The following CENPB variants were observed in gnomAD, a reference collection of about 807,000 sequenced individuals.
CENPB encodes centromere protein B, also known as major centromere autoantigen B.
In CENPB, 19 loss-of-function variants were observed where a neutral mutation model predicts 41.9. The ratio of observed to expected loss-of-function variants is 0.45; its 90% CI spans 0.32 to 0.67. The LOEUF (loss-of-function observed/expected upper bound fraction) is 0.67, where lower values mean the gene tolerates loss of function less well. Ranked by LOEUF, CENPB falls within the 30% of genes least tolerant of loss-of-function variation. The pLI, the probability that CENPB is intolerant of heterozygous loss-of-function variation, is 0.04. For synonymous variants in CENPB, 399 were observed against 354.4 expected (o/e 1.13, Z -1.41); for missense variants, 614 against 816.2 (o/e 0.75, Z 3.02).
Position 3,785,898 on chromosome 20 carries a change from C to T in CENPB, c.586G>A (p.Glu196Lys). 1 of 1,607,456 alleles carries T rather than the reference C, an allele frequency of 6.2e-7. No homozygotes were observed. The highest frequency in any genetic ancestry group is 8.5e-7 in the Non-Finnish European group (1 of 1,178,594). ...YASQDVFSATETSLWYDFLPD... is the reference protein window; with the variant it reads ...YASQDVFSATKTSLWYDFLPD... ...AGGAAGTCGTACCATAGACTGGTCT[C>T]GGTGGCGCTGAACACGTCCTGCGAG... The change falls in exon 1 of 1, where the codon GAG becomes AAG. Residue 196 changes from glutamate to lysine, a missense_variant. Transcript: ENST00000379751.
rs145734304 is a variant in CENPB, at chr20:3,786,310, C to T, written c.174G>A (p.Lys58=). ...TGCGGCAGGTGGAGGCCACCCCGTACTTGCGCTCCGACGCCAGGATGGCGC... is the reference window on the plus strand; with the variant it reads ...TGCGGCAGGTGGAGGCCACCCCGTATTTGCGCTCCGACGCCAGGATGGCGC... ...NKRAILASER[K]YGVASTCRKT... Residue 58 remains lysine (K), a synonymous_variant, in exon 1 of 1, where the codon AAG becomes AAA. Transcript: ENST00000379751. The T allele has an allele frequency of 5.0e-6, 8 of 1,607,454 alleles. No individual in the cohort carries two copies. The highest frequency in any genetic ancestry group is 6.8e-6 in the Non-Finnish European group (8 of 1,179,722).
In CENPB at chr20:3,786,499, GC is replaced by G. The variant is rs1370752377; in HGVS notation, c.-17del. 3.2e-5 allele frequency: 36 copies of G among 1,114,418 alleles called. No homozygotes were observed. The highest frequency in any genetic ancestry group is 4.0e-5 in the Non-Finnish European group (35 of 877,366). The allele number at this position is 1,114,418 out of a possible 1,614,324, so 69.0% of individuals were successfully genotyped here. ...TGGGGCCCATCCCGGCGCGCCCCCC[GC>G]CCCGGGGCCCGGCGCCGCCGCCGCC... is the stretch of plus-strand genomic sequence containing the variant. On this transcript the variant is annotated 5_prime_UTR_variant, in exon 1 of 1. Coordinates refer to ENST00000379751, the MANE Select transcript of CENPB (RefSeq NM_001810.6).
rs151084015 is a variant in CENPB at position 3,786,130 on chromosome 20, G to A, written c.354C>T (p.Ala118=). The A allele has an allele frequency of 9.6e-5, 153 of 1,597,220 alleles. No individual in the cohort carries two copies. In the African/African-American group the frequency reaches 1.7e-3, roughly 18 times the overall value. Residue 118 remains alanine (A), a synonymous_variant, in exon 1 of 1, where the codon GCC becomes GCT. Coordinates refer to ENST00000379751, the MANE Select transcript of CENPB (RefSeq NM_001810.6). ...GGAAGCGGTCCAGCCAGCCGTTGGA[G>A]GCGGTGAAGTCGTCCATGCCCAGCT... ...AEELGMDDFT[A]SNGWLDRFRR... is the part of the protein sequence containing the mutation.
In CENPB at chr20:3,785,230, T is replaced by TTCCTCCTCCTCTCCTTCCTCC; in HGVS notation, c.1253_1254insGGAGGAAGGAGAGGAGGAGGA (p.Glu419_Gly420insGluGlyGluGluGluGluGlu). Reference sequence around the variant, plus strand: ...CCTCCTCTTCCTCTCCTTCACCCTCTTCCTCCTCCTCTTCTTCCTCCTCCT... The same window carrying TTCCTCCTCCTCTCCTTCCTCC: ...CCTCCTCTTCCTCTCCTTCACCCTCTTCCTCCTCCTCTCCTTCCTCCTCCTCCTCCTCTTCTTCCTCCTCCT... On this transcript the variant is annotated inframe_insertion, in exon 1 of 1. Coordinates refer to ENST00000379751, the MANE Select transcript of CENPB (RefSeq NM_001810.6). The TTCCTCCTCCTCTCCTTCCTCC allele has an allele frequency of 7.9e-7, 1 of 1,261,094 alleles. No homozygotes were observed. The highest frequency in any genetic ancestry group is 1.0e-6 in the Non-Finnish European group (1 of 956,066). The allele number at this position is 1,261,094 out of a possible 1,614,324, so 78.1% of individuals were successfully genotyped here.
chr20:3,786,550 C>T lies in CENPB; in HGVS notation c.-67G>A. 1 of 423,096 alleles carries T rather than the reference C, an allele frequency of 2.4e-6. No individual in the cohort carries two copies. Among genetic ancestry groups the T allele is most frequent in the Non-Finnish European group, 3.1e-6 (1 of 320,522 alleles). The allele number at this position is 423,096 out of a possible 1,614,324, so 26.2% of individuals were successfully genotyped here. On this transcript the variant is annotated 5_prime_UTR_variant, in exon 1 of 1. Transcript: ENST00000379751. ...CGCCCCGGGGCGGGGGGCCCGGGCC[C>T]GTGGCGGGGGGCACCTGGCGGCCTC...
At position 3,785,257 on chromosome 20, in the gene CENPB, C is replaced by T. The variant is rs6084465; in HGVS notation, c.1227G>A (p.Glu409=). ...CCTCCTCCTCTTCTTCCTCCTCCTC[C>T]TCCTCTTCCTCTCCCTCACTCTTGA... ...TSLKSEGEEE[E]EEEEEEEEEE... The change falls in exon 1 of 1, where the codon GAG becomes GAA. Residue 409 remains glutamate (E), a synonymous_variant. Transcript: ENST00000379751. 6.4e-7 allele frequency: 1 copy of T among 1,573,886 alleles called. No individual in the cohort carries two copies. The highest frequency in any genetic ancestry group is 2.3e-5 in the East Asian group (1 of 43,114).
Position 3,784,725 on chromosome 20 carries a change from C to T in CENPB, c.1759G>A (p.Ala587Thr), listed in dbSNP as rs757341919. The change falls in exon 1 of 1, where the codon GCC (alanine) becomes ACC (threonine). Residue 587 changes from alanine to threonine, a missense_variant. Physicochemically the swap from Ala to Thr is moderately conservative, Grantham distance 58. Transcript: ENST00000379751. This position sits in a 1 kb window ranked among gnomAD's most constrained non-coding sequence, Gnocchi z 5.2. ...AGACCTCGAACTCCCGCCTGCCTGG[C>T]GTGGTTCTTCCTGGTCACATGAACC... is the stretch of plus-strand genomic sequence containing the variant. The part of the protein sequence containing the change: ...DLVHVTRKNH[A>T]RQAGVRGLGH... 6.2e-6 allele frequency: 10 copies of T among 1,614,136 alleles called. No homozygotes were observed. Among genetic ancestry groups the T allele is most frequent in the East Asian group, 2.2e-5 (1 of 44,882 alleles).
At position 3,786,031 on chromosome 20, in the gene CENPB, C is replaced by T. The variant is rs1199186223; in HGVS notation, c.453G>A (p.Pro151=). The change falls in exon 1 of 1, where the codon CCG becomes CCA. Residue 151 remains proline, a synonymous_variant. Coordinates refer to ENST00000379751, the MANE Select transcript of CENPB (RefSeq NM_001810.6). ...CCGCGGCCGGACTGGCAGGCGCCGC[C>T]GGGGTGCGGGGGGCAGCGTTTCGCG... ...ARARNAAPRT[P]AAPASPAAVP... 1.4e-6 allele frequency: 2 copies of T among 1,425,802 alleles called. No homozygotes were observed. The highest frequency in any genetic ancestry group is 1.5e-5 in the African/African-American group (1 of 66,780). The allele number at this position is 1,425,802 out of a possible 1,614,324, so 88.3% of individuals were successfully genotyped here. A position where few individuals can be genotyped will look rare whatever the true frequency, so the allele number is the denominator to read the frequency against.
chr20:3,786,532 GGGCGGGGGGCCCGGGCCCGT>G lies in CENPB; in HGVS notation c.-69_-50del, dbSNP rs1017221361. 24 of 425,060 alleles carry G rather than the reference GGGCGGGGGGCCCGGGCCCGT, an allele frequency of 5.6e-5. No homozygotes were observed. Among genetic ancestry groups the G allele is most frequent in the East Asian group, 1.7e-4 (1 of 5,918 alleles). The allele number at this position is 425,060 out of a possible 1,614,324, so 26.3% of individuals were successfully genotyped here. A position where few individuals can be genotyped will look rare whatever the true frequency, so the allele number is the denominator to read the frequency against. Reference sequence around the variant, plus strand: ...GCCCGGCGCCGCCGCCGCCGCCCCGGGGCGGGGGGCCCGGGCCCGTGGCGGGGGGCACCTGGCGGCCTCTC... The same window carrying G: ...GCCCGGCGCCGCCGCCGCCGCCCCGGGGCGGGGGGCACCTGGCGGCCTCTC... On this transcript the variant is annotated 5_prime_UTR_variant, in exon 1 of 1. Coordinates refer to ENST00000379751, the MANE Select transcript of CENPB (RefSeq NM_001810.6).
rs1268479257 is a variant in CENPB, at chr20:3,785,997, C to T, written c.487G>A (p.Glu163Lys). Residue 163 changes from glutamate (E) to lysine (K), a missense_variant, in exon 1 of 1, where the codon GAG becomes AAG. Transcript: ENST00000379751. Reference sequence around the variant, plus strand: ...CCAGTAGTGCTCCCGCCACTGCCCTCCGAGGGCACCGCGGCCGGACTGGCA... The same window carrying T: ...CCAGTAGTGCTCCCGCCACTGCCCTTCGAGGGCACCGCGGCCGGACTGGCA... ...APASPAAVPS[E>K]GSGGSTTGWR... is the part of the protein sequence containing the mutation. The T allele has an allele frequency of 6.7e-7, 1 of 1,482,448 alleles. No individual in the cohort carries two copies. Among genetic ancestry groups the T allele is most frequent in the South Asian group, 1.3e-5 (1 of 75,956 alleles). The allele number at this position is 1,482,448 out of a possible 1,614,324, so 91.8% of individuals were successfully genotyped here.
At position 3,785,793 on chromosome 20, in the gene CENPB, C is replaced by A; in HGVS notation, c.691G>T (p.Ala231Ser). 1 of 1,609,854 alleles carries A rather than the reference C, an allele frequency of 6.2e-7. No homozygotes were observed. Among genetic ancestry groups the A allele is most frequent in the Non-Finnish European group, 8.5e-7 (1 of 1,178,322 alleles). ...ATQRLSVLLC[A>S]NADGSEKLPP... ...AGCTTCTCGCTGCCGTCGGCATTGG[C>A]GCATAGCAGGACGCTCAGGCGCTGG... Residue 231 changes from alanine to serine, a missense_variant, in exon 1 of 1, where the codon GCC becomes TCC. By Grantham distance (99) the Ala-to-Ser change is moderately conservative. Around this residue, in one of 2 missense-constraint regions of CENPB, gnomAD observed 537 missense variants for 629.4 expected, o/e 0.85. Transcript: ENST00000379751.
In CENPB at chr20:3,785,315, C is replaced by A; in HGVS notation, c.1169G>T (p.Gly390Val). 1 of 1,599,122 alleles carries A rather than the reference C, an allele frequency of 6.3e-7. No individual in the cohort carries two copies. The highest frequency in any genetic ancestry group is 2.3e-5 in the East Asian group (1 of 44,162). Residue 390 changes from glycine to valine, a missense_variant, in exon 1 of 1, where the codon GGG becomes GTG. Gly to Val is a moderately radical substitution (Grantham distance 109). Coordinates refer to ENST00000379751, the MANE Select transcript of CENPB (RefSeq NM_001810.6). The part of the protein sequence containing the change: ...IAACFREAGF[G>V]GGPNATITTS... The stretch of plus-strand genomic sequence containing the variant: ...GGTGATGGTGGCATTAGGGCCACCC[C>A]CAAAGCCAGCCTCACGAAAGCAGGC...
At position 3,785,307 on chromosome 20, in the gene CENPB, G is replaced by A. The variant is rs1258609909; in HGVS notation, c.1177C>T (p.Pro393Ser). The A allele has an allele frequency of 1.3e-6, 2 of 1,597,644 alleles. No individual in the cohort carries two copies. Among genetic ancestry groups the A allele is most frequent in the African/African-American group, 2.7e-5 (2 of 74,440 alleles). ...AGGGAAGTGGTGATGGTGGCATTAG[G>A]GCCACCCCCAAAGCCAGCCTCACGA... is the stretch of plus-strand genomic sequence containing the variant. ...CFREAGFGGGPNATITTSLKS... is the reference protein window; with the variant it reads ...CFREAGFGGGSNATITTSLKS... The change falls in exon 1 of 1, where the codon CCT becomes TCT. Residue 393 changes from proline to serine, a missense_variant. By Grantham distance (74) the Pro-to-Ser change is moderately conservative (BLOSUM62 -1). Transcript: ENST00000379751.
rs750992860 is a variant in CENPB at position 3,785,352 on chromosome 20, A to C, written c.1132T>G (p.Ser378Ala). ...VAAAWQAVEP[S>A]DIAACFREAG... ...TCACGAAAGCAGGCGGCTATGTCCG[A>C]AGGCTCCACTGCCTGCCAGGCGGCA... The change falls in exon 1 of 1, where the codon TCG becomes GCG. Residue 378 changes from serine to alanine, a missense_variant. Around this residue, in one of 2 missense-constraint regions of CENPB, gnomAD observed 537 missense variants for 629.4 expected, o/e 0.85. Transcript: ENST00000379751. The C allele has an allele frequency of 1.2e-6, 2 of 1,602,586 alleles. No individual in the cohort carries two copies. Among genetic ancestry groups the C allele is most frequent in the Non-Finnish European group, 1.7e-6 (2 of 1,175,740 alleles).
Position 3,786,530 on chromosome 20 carries a change from C to G in CENPB, c.-47G>C. ...GGGCCCGGCGCCGCCGCCGCCGCCC[C>G]GGGGCGGGGGGCCCGGGCCCGTGGC... On this transcript the variant is annotated 5_prime_UTR_variant, in exon 1 of 1. Coordinates refer to ENST00000379751, the MANE Select transcript of CENPB (RefSeq NM_001810.6). 4 of 654,828 alleles carry G rather than the reference C, an allele frequency of 6.1e-6. No homozygotes were observed. The highest frequency in any genetic ancestry group is 7.5e-6 in the Non-Finnish European group (4 of 533,102). 40.6% of individuals were successfully genotyped at this position (654,828 alleles called of 1,614,324 possible). A position where few individuals can be genotyped will look rare whatever the true frequency, so the allele number is the denominator to read the frequency against.
Position 3,784,575 on chromosome 20 carries a change from G to T in CENPB, c.*109C>A. The T allele has an allele frequency of 7.6e-7, 1 of 1,318,964 alleles. No individual in the cohort carries two copies. Among genetic ancestry groups the T allele is most frequent in the Non-Finnish European group, 1.0e-6 (1 of 952,748 alleles). The allele number at this position is 1,318,964 out of a possible 1,614,324, so 81.7% of individuals were successfully genotyped here. A position where few individuals can be genotyped will look rare whatever the true frequency, so the allele number is the denominator to read the frequency against. On this transcript the variant is annotated 3_prime_UTR_variant, in exon 1 of 1. Coordinates refer to ENST00000379751, the MANE Select transcript of CENPB (RefSeq NM_001810.6). This position sits in a 1 kb window ranked among gnomAD's most constrained non-coding sequence, Gnocchi z 5.2. ...CAGGACCAGGGGAAGCATTACTAAA[G>T]GATCTGGGGCTCTGCACTCTGGCTC...
rs757347202 is a variant in CENPB at position 3,784,804 on chromosome 20, G to A, written c.1680C>T (p.Ser560=). ...TCTGCACGCGGTCATCAATGGGGAAGGAGGTCAGGTACCTCTTGACCATGG... is the reference window on the plus strand; with the variant it reads ...TCTGCACGCGGTCATCAATGGGGAAAGAGGTCAGGTACCTCTTGACCATGG... ...YFAMVKRYLT[S]FPIDDRVQSH... is the part of the protein sequence containing the mutation. The change falls in exon 1 of 1, where the codon TCC becomes TCT. Residue 560 remains serine, a synonymous_variant. Coordinates refer to ENST00000379751, the MANE Select transcript of CENPB (RefSeq NM_001810.6). This position sits in a 1 kb window ranked among gnomAD's most constrained non-coding sequence, Gnocchi z 5.2. 14 of 1,614,024 alleles carry A rather than the reference G, an allele frequency of 8.7e-6. No individual in the cohort carries two copies. The highest frequency in any genetic ancestry group is 1.1e-5 in the Non-Finnish European group (13 of 1,180,004).
rs562262215 is a variant in CENPB at position 3,784,468 on chromosome 20, A to G, written c.*216T>C. 5.2e-6 allele frequency: 3 copies of G among 576,334 alleles called. No homozygotes were observed. In the East Asian group the frequency reaches 9.2e-5, roughly 18 times the overall value. The allele number at this position is 576,334 out of a possible 1,614,324, so 35.7% of individuals were successfully genotyped here. On this transcript the variant is annotated 3_prime_UTR_variant, in exon 1 of 1. Transcript: ENST00000379751. The surrounding 1 kb of genome is among the most constrained non-coding windows in gnomAD (Gnocchi z 5.2). ...GAGCCCAGGGCCAAATGGGGAGGAAAGAGGATTCTGAGAAAGAGGCAATAA... is the reference window on the plus strand; with the variant it reads ...GAGCCCAGGGCCAAATGGGGAGGAAGGAGGATTCTGAGAAAGAGGCAATAA...
rs1416501606 is a variant in CENPB at position 3,784,877 on chromosome 20, CCATCCTCCTCATCAT to C, written c.1592_1606del (p.Asp531_Asp535del). On this transcript the variant is annotated inframe_deletion, in exon 1 of 1. Coordinates refer to ENST00000379751, the MANE Select transcript of CENPB (RefSeq NM_001810.6). This position sits in a 1 kb window ranked among gnomAD's most constrained non-coding sequence, Gnocchi z 5.2. Reference sequence around the variant, plus strand: ...AAAGCTGGGTACAGGCACCTCATCACCATCCTCCTCATCATCATCGTCGTCTTCATCTTCATCATC... The same window carrying C: ...AAAGCTGGGTACAGGCACCTCATCACCATCGTCGTCTTCATCTTCATCATC... The C allele has an allele frequency of 6.2e-7, 1 of 1,614,036 alleles. No homozygotes were observed. Among genetic ancestry groups the C allele is most frequent in the Admixed American group, 1.7e-5 (1 of 60,014 alleles).
Sources: gnomAD v4.1 joint callset for allele counts on GRCh38, gnomAD v4.1.1 for gene constraint, gnomAD v4.1.1 regional missense constraint, Gnocchi (gnomAD v3.1) non-coding constraint, MANE v1.5 for transcripts, NCBI Gene and HGNC (gene_info 2026-07-23, HGNC 2026-07-21) for gene names.